Variants in C5 observed in about 807,000 individuals in gnomAD.
C5 encodes the protein complement C5, also known as C3 and PZP-like alpha-2-macroglobulin domain-containing protein 4.
C5 carries 140 observed loss-of-function variants against 218.8 expected under a neutral mutation model. The observed-to-expected ratio is 0.64, with a 90% CI of 0.56 to 0.74. The LOEUF (loss-of-function observed/expected upper bound fraction) is 0.74, where lower values mean the gene tolerates loss of function less well. Ranked by LOEUF, C5 falls within the 30% of genes least tolerant of loss-of-function variation. The probability of loss-of-function intolerance (pLI) is 0.00; values close to 1 mark genes in which losing one functional copy is unlikely to be tolerated. For synonymous variants in C5, 614 were observed against 682.3 expected (o/e 0.90, Z 1.56); for missense variants, 1,700 against 1,969.6 (o/e 0.86, Z 2.59).
At chr9:120,966,346 C>T (rs954645364) in intron 33 of C5, among the ~76,000 whole-genome samples, 23 of 152,090 alleles carry the variant, frequency 1.5e-4, no homozygotes, top group Non-Finnish European at 2.5e-4. Context: ...TTTTTCTGTA[C>T]GGCAGAATTG....
At position 120,960,262 on chromosome 9, in the gene C5, G is replaced by A. The variant is rs752321435; in HGVS notation, c.4664C>T (p.Pro1555Leu). The A allele has an allele frequency of 6.2e-7, 1 of 1,610,120 alleles. No homozygotes were observed. The highest frequency in any genetic ancestry group is 1.7e-5 in the Admixed American group (1 of 60,012). The change falls in exon 38 of 41, where the codon CCA (proline) becomes CTA (leucine). Residue 1555 changes from proline to leucine, a missense_variant. Coordinates refer to ENST00000223642, the MANE Select transcript of C5 (RefSeq NM_001735.3). The part of the protein sequence containing the change: ...AETRKQTACK[P>L]EIAYAYKVSI... ...TTTGAACTCACCATATGCAATCTCT[G>A]GTTTACATGCTGTTTGTTTTCTTGT...
intron 31 of C5, among the ~76,000 whole-genome samples, chr9:120,970,686 G>A (rs1020108547): frequency 2.6e-5 from 4 of 152,200 alleles, no homozygotes; most frequent in Non-Finnish European, 4.4e-5. Flanking sequence ...GCCAGAAGTA[G>A]ATATATTGAC....
intron 20 of C5, among the ~76,000 whole-genome samples, chr9:121,002,341 T>TATATATATATATATAC (rs1265139485): frequency 1.4e-5 from 1 of 72,638 alleles, no homozygotes; most frequent in African/African-American, 4.1e-5. Flanking sequence ...TATATATATA[T>TATATATATATATATAC]ACACACATAC....
chr9:120,973,318 C>A (rs1281957797), intron 30 of C5, among the ~76,000 whole-genome samples: 1 of 152,174 alleles, frequency 6.6e-6, no homozygotes, highest in Admixed American at 6.5e-5. Context: ...GTCAAGAGAT[C>A]CTTCTTAGAG....
intron 22 of C5, 40 bp downstream of exon 22, chr9:120,996,200 G>A: frequency 7.0e-7 from 1 of 1,435,692 alleles, no homozygotes; most frequent in Middle Eastern, 1.8e-4. Context: ...AACTTCTAAA[G>A]CAAAAGATAA....
At chr9:121,038,334 G>C (rs1231686155) in intron 3 of C5, among the ~76,000 whole-genome samples, 1 of 152,160 alleles carries the variant, frequency 6.6e-6, no homozygotes, top group African/African-American at 2.4e-5. Context: ...TTATAGAGGA[G>C]CATAATATAT....
chr9:121,034,888 C>T lies in C5; in HGVS notation c.499G>A (p.Glu167Lys), dbSNP rs1276801868. Residue 167 changes from glutamate to lysine, a missense_variant, in exon 5 of 41, where the codon GAA becomes AAA. Transcript: ENST00000223642. ...TCTACCATGTCAACTTCTGATCCTTCAGGATCCTGTAAATAAAAACAAACA... is the reference window on the plus strand; with the variant it reads ...TCTACCATGTCAACTTCTGATCCTTTAGGATCCTGTAAATAAAAACAAACA... ...RETVLTFIDPEGSEVDMVEEI... is the reference protein window; with the variant it reads ...RETVLTFIDPKGSEVDMVEEI... 1 of 1,566,082 alleles carries T rather than the reference C, an allele frequency of 6.4e-7. No homozygotes were observed. The highest frequency in any genetic ancestry group is 1.1e-5 in the South Asian group (1 of 89,262).
intron 22 of C5, among the ~76,000 whole-genome samples, chr9:120,991,488 G>A (rs1336548854): frequency 6.6e-6 from 1 of 152,142 alleles, no homozygotes; most frequent in East Asian, 1.9e-4. Context: ...ATTAAATTTG[G>A]CTGTAAGCTT....
intron 38 of C5, 40 bp downstream of exon 38, chr9:120,960,208 T>A: frequency 1.6e-6 from 2 of 1,280,490 alleles, no homozygotes; most frequent in Non-Finnish European, 2.3e-6. Flanking sequence ...ATTCATAAAA[T>A]TTCATGTTTA....
At chr9:121,013,195 C>A (rs1169508806) in intron 17 of C5, among the ~76,000 whole-genome samples, 1 of 151,808 alleles carries the variant, frequency 6.6e-6, no homozygotes, top group Admixed American at 6.6e-5. Flanking sequence ...TGGCAGGCGC[C>A]TTTAATCCCA....
intron 39 of C5, chr9:120,956,959 A>G (rs570501584): frequency 2.9e-6 from 1 of 347,366 alleles, no homozygotes; most frequent in Admixed American, 4.0e-5. Context: ...CTATATACCA[A>G]ACCCCCAAAA....
In C5 at chr9:121,039,762, C is replaced by T. The variant is rs554119934; in HGVS notation, c.422-1811G>A. Among the ~76,000 whole-genome samples, 40 of 152,268 alleles carry T rather than the reference C, an allele frequency of 2.6e-4. No individual in the cohort carries two copies. In the East Asian group the frequency reaches 7.3e-3, roughly 28 times the overall value. On this transcript the variant is annotated intron_variant, in intron 3 of 40. Coordinates refer to ENST00000223642, the MANE Select transcript of C5 (RefSeq NM_001735.3). ...CTCCTGGGTTCATGCCATTCTCCTGCCTCAGCCTCCCGAGTAGCTGGGACT... is the reference window on the plus strand; with the variant it reads ...CTCCTGGGTTCATGCCATTCTCCTGTCTCAGCCTCCCGAGTAGCTGGGACT...
chr9:120,961,300 T>C (rs1183102227), intron 37 of C5, among the ~76,000 whole-genome samples, 182 bp downstream of exon 37: 2 of 152,188 alleles, frequency 1.3e-5, no homozygotes, highest in Non-Finnish European at 2.9e-5. Context: ...ATCAGGTTGT[T>C]CAGGAACTGT....
At chr9:121,000,373 A>G (rs574688248) in intron 20 of C5, among the ~76,000 whole-genome samples, 1 of 152,376 alleles carries the variant, frequency 6.6e-6, no homozygotes, top group South Asian at 2.1e-4. Flanking sequence ...AAAAATAAGA[A>G]TACCAGAGAG....
Position 121,043,113 on chromosome 9 carries a change from C to G in C5, c.312G>C (p.Leu104Phe). The stretch of plus-strand genomic sequence containing the variant: ...TTGAAAAATGCTTTGATACAACTTC[C>G]AAATACACATAAGAAACTGGGTTTT... The part of the protein sequence containing the change: ...GGQNPVSYVY[L>F]EVVSKHFSKS... The change falls in exon 3 of 41, where the codon TTG (leucine) becomes TTC (phenylalanine). Residue 104 changes from leucine to phenylalanine, a missense_variant. Transcript: ENST00000223642. 6.2e-7 allele frequency: 1 copy of G among 1,613,266 alleles called. No homozygotes were observed. The highest frequency in any genetic ancestry group is 8.5e-7 in the Non-Finnish European group (1 of 1,179,488).
chr9:121,027,343 C>CA, intron 7 of C5, 69 bp from the exon 8 acceptor site: 1 of 839,570 alleles, frequency 1.2e-6, no homozygotes, highest in Non-Finnish European at 2.0e-6. Flanking sequence ...TAAAATGTAA[C>CA]AATTTGAAAT....
chr9:121,015,387 G>T, intron 15 of C5, 126 bp from the exon 16 acceptor site: 1 of 664,134 alleles, frequency 1.5e-6, no homozygotes, highest in South Asian at 1.7e-5. Context: ...ATATTGAGGG[G>T]CTGCTTTGGA....
chr9:121,001,730 G>A (rs1052068691), intron 20 of C5, among the ~76,000 whole-genome samples: 6 of 152,036 alleles, frequency 3.9e-5, no homozygotes, highest in Non-Finnish European at 8.8e-5. Flanking sequence ...AGAATGTGAG[G>A]GATCAAGGCT....
chr9:121,071,168 A>G, the C5 span, among the ~76,000 whole-genome samples: 1 of 152,030 alleles, frequency 6.6e-6, no homozygotes, highest in East Asian at 1.9e-4. Flanking sequence ...CACATACACA[A>G]AAATAGCTGG....
Sources: gnomAD v4.1 joint callset for allele counts (sites outside exome capture counted in the v4.1 genomes callset) on GRCh38, gnomAD v4.1.1 for gene constraint, MANE v1.5 for transcripts, NCBI Gene and HGNC (gene_info 2026-07-23, HGNC 2026-07-21) for gene names.